Variants in LRRC56 observed in about 807,000 individuals in gnomAD.
LRRC56 encodes the protein leucine-rich repeat-containing protein 56.
A neutral mutation model predicts 47.8 loss-of-function variants in LRRC56; 41 were observed. The observed-to-expected ratio is 0.86, with a 90% CI of 0.67 to 1.11. The LOEUF (loss-of-function observed/expected upper bound fraction) is 1.11, where lower values mean the gene tolerates loss of function less well. LRRC56 is among the 50% of genes most tolerant of loss of function. LRRC56 has a pLI of 0.00. For missense variants in LRRC56, 759 were observed against 704.2 expected (o/e 1.08, Z -0.88); for synonymous variants, 387 against 311.2 (o/e 1.24, Z -2.56).
chr11:553,431 GCAGA>G (rs1852539939), intron 13 of LRRC56, among the ~76,000 whole-genome samples: 1 of 152,096 alleles, frequency 6.6e-6, no homozygotes. Context: ...TGTGGAGGGG[GCAGA>G]CAGAGGGGTC....
chr11:510,110 C>T, the LRRC56 span, among the ~76,000 whole-genome samples: 1 of 152,090 alleles, frequency 6.6e-6, no homozygotes, highest in Non-Finnish European at 1.5e-5. Context: ...CCCCACCAGC[C>T]TACACGTTAG....
Position 550,402 on chromosome 11 carries a change from G to C in LRRC56, c.624+130G>C, listed in dbSNP as rs541871510. 29 of 845,046 alleles carry C rather than the reference G, an allele frequency of 3.4e-5. No individual in the cohort carries two copies. The African/African-American group carries it at 3.6e-4, about 10-fold the overall frequency. 52.3% of individuals were successfully genotyped at this position (845,046 alleles called of 1,614,324 possible). On this transcript the variant is annotated intron_variant, in intron 8 of 13. Transcript: ENST00000270115. ...GCACCCTATGGCCTGCTCACCATGA[G>C]TTCACCTCCTCTGTCACTGGAAGTC...
At chr11:553,876 G>A (rs545889335) in intron 13 of LRRC56, 87 bp from the exon 14 acceptor site, 3 of 1,241,308 alleles carry the variant, frequency 2.4e-6, no homozygotes, top group South Asian at 2.7e-5. Context: ...GGGGCTGCAG[G>A]GCCACGGGTG....
chr11:540,190 C>T (rs1851724517), intron 3 of LRRC56, among the ~76,000 whole-genome samples: 1 of 152,206 alleles, frequency 6.6e-6, no homozygotes, highest in South Asian at 2.1e-4. Context: ...TCGGCTGGCA[C>T]AGGGCTGGGG....
At chr11:545,714 A>G (rs1852040842) in intron 6 of LRRC56, among the ~76,000 whole-genome samples, 2 of 152,214 alleles carry the variant, frequency 1.3e-5, no homozygotes, top group Admixed American at 6.5e-5. Context: ...GGGAAAGAAC[A>G]AGGCTGAAGG....
chr11:518,200 T>TGAGATGGAGTCTCGCTCTGTCGCCTAGGA, the LRRC56 span, among the ~76,000 whole-genome samples: 1 of 152,014 alleles, frequency 6.6e-6, no homozygotes, highest in Non-Finnish European at 1.5e-5. Flanking sequence ...TTTTTTTTTT[T>TGAGATGGAGTCTCGCTCTGTCGCCTAGGA]GAGATGGAGT....
rs562617243 is a variant in LRRC56, at chr11:554,265, G to A, written c.1618G>A (p.Val540Ile). Reference protein sequence around the residue: ...RAAELSHPSPVPT With the variant: ...RAAELSHPSPIPT ...AGCTGAACTCTCTCACCCCAGCCCC[G>A]TCCCCACTTAATATAGCCCCCACTG... The change falls in exon 14 of 14, where the codon GTC becomes ATC. Residue 540 changes from valine to isoleucine, a missense_variant. Physicochemically the swap from Val to Ile is conservative, Grantham distance 29. Transcript: ENST00000270115. 8.0e-6 allele frequency: 12 copies of A among 1,491,934 alleles called. No homozygotes were observed. Among genetic ancestry groups the A allele is most frequent in the African/African-American group, 4.2e-5 (3 of 71,188 alleles). The allele number at this position is 1,491,934 out of a possible 1,614,324, so 92.4% of individuals were successfully genotyped here.
At chr11:552,770 C>T in intron 13 of LRRC56, 68 bp downstream of exon 13, 4 of 1,396,574 alleles carry the variant, frequency 2.9e-6, no homozygotes, top group Admixed American at 4.3e-5. Flanking sequence ...ATAGGGGGGC[C>T]CTTACCCCAG....
At chr11:534,470 C>T (rs367779694), upstream of LRRC56, 6 of 658,582 alleles carry the variant, frequency 9.1e-6, no homozygotes, top group African/African-American at 3.6e-5. Flanking sequence ...AAACCCACAG[C>T]GGTCCCTGGG....
the LRRC56 span, among the ~76,000 whole-genome samples, chr11:513,590 T>C: frequency 6.6e-6 from 1 of 152,228 alleles, no homozygotes; most frequent in South Asian, 2.1e-4. Context: ...ATTTTCCAGT[T>C]GTGAGAGAAG....
intron 9 of LRRC56, among the ~76,000 whole-genome samples, 155 bp downstream of exon 9, chr11:551,457 C>T (rs566946003): frequency 6.6e-6 from 1 of 152,360 alleles, no homozygotes; most frequent in African/African-American, 2.4e-5. Flanking sequence ...CGGCCCCAGG[C>T]CAGGACACTG....
chr11:554,798 T>C lies in LRRC56; in HGVS notation c.*522T>C, dbSNP rs12277611. Reference sequence around the variant, plus strand: ...CCCGCACTGCGATAGGGCGGCCCGTTCCCTCCTCTTGGCGCAGGACGCCCC... The same window carrying C: ...CCCGCACTGCGATAGGGCGGCCCGTCCCCTCCTCTTGGCGCAGGACGCCCC... On this transcript the variant is annotated 3_prime_UTR_variant, in exon 14 of 14. Coordinates refer to ENST00000270115, the MANE Select transcript of LRRC56 (RefSeq NM_198075.4). 0.61 allele frequency: 324,010 copies of C among 530,464 alleles called. 101,599 individuals are homozygous for C. The highest frequency in any genetic ancestry group is 0.78 in the East Asian group (21,963 of 28,156). 32.9% of individuals were successfully genotyped at this position (530,464 alleles called of 1,614,324 possible).
chr11:518,338 C>T, the LRRC56 span, among the ~76,000 whole-genome samples: 6 of 152,048 alleles, frequency 3.9e-5, no homozygotes, highest in South Asian at 6.2e-4. Flanking sequence ...CCCGCCACCA[C>T]GCCCAGCTAA....
At chr11:536,033 G>C (rs901087738), upstream of LRRC56, among the ~76,000 whole-genome samples, 7 of 152,216 alleles carry the variant, frequency 4.6e-5, no homozygotes, top group African/African-American at 1.7e-4. Flanking sequence ...GGGCCCCCGG[G>C]TGGCCGCGGG....
chr11:521,197 G>C, the LRRC56 span, among the ~76,000 whole-genome samples: 1 of 152,122 alleles, frequency 6.6e-6, no homozygotes, highest in African/African-American at 2.4e-5. Context: ...CCACTGGTTC[G>C]ACTGCCTCAG....
chr11:533,411 G>GGGCGGGTCCC, upstream of LRRC56: 1 of 1,609,620 alleles, frequency 6.2e-7, no homozygotes, highest in Non-Finnish European at 8.5e-7. Flanking sequence ...GGGCGGGGCG[G>GGGCGGGTCCC]GGCGGGTCCC....
chr11:510,994 G>A, the LRRC56 span, among the ~76,000 whole-genome samples: 3 of 152,022 alleles, frequency 2.0e-5, no homozygotes, highest in African/African-American at 4.8e-5. Flanking sequence ...CGCAAGTGTC[G>A]CACGCAGTGG....
At chr11:553,904 C>T (rs1026389351) in intron 13 of LRRC56, 59 bp from the exon 14 acceptor site, 34 of 1,525,720 alleles carry the variant, frequency 2.2e-5, no homozygotes, top group South Asian at 9.6e-5. Context: ...GCCTCCCCAC[C>T]GGGTGACTCC....
At chr11:516,541 A>G in the LRRC56 span, among the ~76,000 whole-genome samples, 1 of 152,224 alleles carries the variant, frequency 6.6e-6, no homozygotes, top group Non-Finnish European at 1.5e-5. Flanking sequence ...TGTATAATAC[A>G]AATATAAGTG....
Sources: allele counts gnomAD v4.1 joint callset (sites outside exome capture counted in the v4.1 genomes callset), GRCh38; gene constraint gnomAD v4.1.1; transcripts MANE v1.5; gene names NCBI Gene and HGNC (gene_info 2026-07-23, HGNC 2026-07-21).